EDIL3: variants seen among roughly 807,000 people sequenced by gnomAD.
EDIL3 encodes the protein EGF-like repeat and discoidin I-like domain-containing protein 3.
A neutral mutation model predicts 67.4 loss-of-function variants in EDIL3; 37 were observed. The observed-to-expected ratio is 0.55, with a 90% CI of 0.42 to 0.72. The LOEUF is 0.72. Ranked by LOEUF, EDIL3 falls within the 30% of genes least tolerant of loss-of-function variation. EDIL3 has a pLI of 0.00. For missense variants in EDIL3, 527 were observed against 586.3 expected (o/e 0.90, Z 1.04); for synonymous variants, 195 against 196.3 (o/e 0.99, Z 0.05).
At chr5:84,311,094 A>G (rs961380303) in intron 1 of EDIL3, among the ~76,000 whole-genome samples, 3 of 151,436 alleles carry the variant, frequency 2.0e-5, no homozygotes, top group Admixed American at 2.0e-4. Context: ...CAATTTATTT[A>G]CTCTTCTTGT....
intron 5 of EDIL3, among the ~76,000 whole-genome samples, chr5:84,135,962 A>G (rs1748084841): frequency 6.6e-6 from 1 of 151,982 alleles, no homozygotes. Context: ...ATTCAACAAT[A>G]TTTCCTATTT....
At chr5:84,106,559 C>T (rs546333122) in intron 6 of EDIL3, 90 bp downstream of exon 6, 1 of 1,430,304 alleles carries the variant, frequency 7.0e-7, no homozygotes, top group East Asian at 2.4e-5. Context: ...GGAAGAGTCA[C>T]ACTGAGTTCC....
chr5:84,242,882 CA>C (rs1744827685), intron 2 of EDIL3, among the ~76,000 whole-genome samples: 1 of 150,652 alleles, frequency 6.6e-6, no homozygotes, highest in Non-Finnish European at 1.5e-5. Context: ...GTGTAACAGG[CA>C]CAGCTTAATT....
intron 10 of EDIL3, among the ~76,000 whole-genome samples, chr5:83,959,093 T>A (rs7700897): frequency 0.57 from 85,148 of 150,166 alleles, 24,293 homozygotes; most frequent in African/African-American, 0.62. Context: ...ACATCTCAAT[T>A]AGGAGAACAG....
intron 9 of EDIL3, among the ~76,000 whole-genome samples, chr5:83,982,030 A>T (rs1744978814): frequency 6.6e-6 from 1 of 152,112 alleles, no homozygotes; most frequent in African/African-American, 2.4e-5. Context: ...CTGCTCCGGT[A>T]TAGAAACTAT....
intron 9 of EDIL3, among the ~76,000 whole-genome samples, chr5:84,023,409 A>T (rs1054206134): frequency 1.3e-5 from 2 of 152,154 alleles, no homozygotes; most frequent in East Asian, 3.9e-4. Flanking sequence ...ACATCTTTAA[A>T]TTAATTTAAC....
intron 1 of EDIL3, among the ~76,000 whole-genome samples, chr5:84,270,877 T>A (rs116102965): frequency 6.6e-6 from 1 of 152,162 alleles, no homozygotes; most frequent in Non-Finnish European, 1.5e-5. Flanking sequence ...AATAACGGTC[T>A]AGATTACTTA....
chr5:84,238,595 G>A (rs559171317), intron 2 of EDIL3, among the ~76,000 whole-genome samples: 1 of 146,974 alleles, frequency 6.8e-6, no homozygotes, highest in South Asian at 2.2e-4. Flanking sequence ...CTGCCTTTAT[G>A]TAACAGTGAG....
At chr5:84,119,983 C>T (rs1010073340) in intron 5 of EDIL3, among the ~76,000 whole-genome samples, 1 of 151,734 alleles carries the variant, frequency 6.6e-6, no homozygotes, top group African/African-American at 2.4e-5. Flanking sequence ...AAGGGGATGT[C>T]TTGGGAAAAA....
chr5:84,036,067 C>A (rs930136540), intron 9 of EDIL3, among the ~76,000 whole-genome samples: 6 of 152,116 alleles, frequency 3.9e-5, no homozygotes, highest in African/African-American at 1.4e-4. Context: ...GGTTAAAAAT[C>A]TCATAGGATA....
chr5:84,311,762 T>C (rs932763799), intron 1 of EDIL3, among the ~76,000 whole-genome samples: 2 of 152,132 alleles, frequency 1.3e-5, no homozygotes, highest in African/African-American at 2.4e-5. Flanking sequence ...GTGATGACTC[T>C]TAACGAGCAT....
chr5:83,972,799 T>A (rs1744815684), intron 9 of EDIL3, among the ~76,000 whole-genome samples: 1 of 152,070 alleles, frequency 6.6e-6, no homozygotes. Flanking sequence ...AAAGATTAAA[T>A]ATAATGTTCT....
chr5:84,291,719 T>C (rs1003845783), intron 1 of EDIL3, among the ~76,000 whole-genome samples: 27 of 127,730 alleles, frequency 2.1e-4, no homozygotes, highest in African/African-American at 7.4e-4. Flanking sequence ...GATCTATCTA[T>C]ATATCTATAT....
At chr5:83,961,868 T>C (rs942964630) in intron 10 of EDIL3, among the ~76,000 whole-genome samples, 1 of 151,438 alleles carries the variant, frequency 6.6e-6, no homozygotes, top group Non-Finnish European at 1.5e-5. Context: ...AATCATGCCA[T>C]TATTTTATGT....
chr5:84,194,691 T>C (rs1375333275), intron 3 of EDIL3, among the ~76,000 whole-genome samples: 2 of 151,924 alleles, frequency 1.3e-5, no homozygotes, highest in African/African-American at 2.4e-5. Context: ...ATAAAAATCT[T>C]TATTTCTACT....
At chr5:84,159,349 C>T (rs76434058) in intron 4 of EDIL3, among the ~76,000 whole-genome samples, 1,551 of 152,078 alleles carry the variant, frequency 0.01, 27 homozygotes, top group African/African-American at 0.036. Context: ...AAAAATCATA[C>T]GTAGACCAAG....
intron 9 of EDIL3, among the ~76,000 whole-genome samples, chr5:83,965,725 T>TA (rs1204708077): frequency 7.6e-4 from 116 of 152,158 alleles, no homozygotes; most frequent in Non-Finnish European, 1.0e-4. Flanking sequence ...TTCCAACAGA[T>TA]ACGTTTTTCT....
intron 9 of EDIL3, among the ~76,000 whole-genome samples, chr5:84,004,585 AC>A (rs1745382106): frequency 1.3e-5 from 2 of 152,188 alleles, no homozygotes; most frequent in Admixed American, 6.6e-5. Context: ...CTGCTGAATG[AC>A]ATTTGGGTAA....
Position 84,066,437 on chromosome 5 carries a change from T to C in EDIL3, c.807+14A>G. 1 of 1,578,188 alleles carries C rather than the reference T, an allele frequency of 6.3e-7. No homozygotes were observed. Among genetic ancestry groups the C allele is most frequent in the Non-Finnish European group, 8.6e-7 (1 of 1,168,274 alleles). On this transcript the variant is annotated intron_variant, in intron 7 of 10. Coordinates refer to ENST00000296591, the MANE Select transcript of EDIL3 (RefSeq NM_005711.5). ...CATTTTTCTTTTAAATTAAGTAGGT[T>C]AAATTATTCTTACCATGTCTTCATT... is the stretch of plus-strand genomic sequence containing the variant.
Sources: allele counts gnomAD v4.1 joint callset (sites outside exome capture counted in the v4.1 genomes callset), GRCh38; gene constraint gnomAD v4.1.1; transcripts MANE v1.5; gene names NCBI Gene and HGNC (gene_info 2026-07-23, HGNC 2026-07-21).